PLOD1: variants seen among roughly 807,000 people sequenced by gnomAD.
PLOD1 encodes lysine hydroxylase.
Under a neutral mutation model 94.7 loss-of-function variants are expected in PLOD1, and 70 were observed. That is an observed-to-expected ratio of 0.74 (90% CI 0.61 to 0.90). The LOEUF (loss-of-function observed/expected upper bound fraction) is 0.90. PLOD1 is among the 40% of genes least tolerant of loss of function. The pLI is 0.00. For synonymous variants in PLOD1, 417 were observed against 400.2 expected, an observed-to-expected ratio of 1.04 and a Z score of -0.50; for missense variants, 905 against 972.7, an observed-to-expected ratio of 0.93 and a Z score of 0.93.
intron 1 of PLOD1, chr1:11,944,445 ACACACACACT>A (rs1201068159): frequency 1.2e-5 from 11 of 939,096 alleles, no homozygotes; most frequent in African/African-American, 1.0e-4. Context: ...ACACACACAC[ACACACACACT>A]CACTCACATG....
chr1:11,948,574 A>T (rs1016616899), intron 2 of PLOD1, among the ~76,000 whole-genome samples: 7 of 152,032 alleles, frequency 4.6e-5, no homozygotes, highest in Non-Finnish European at 1.5e-5. Context: ...CTAAAAATAT[A>T]AAAAAATTAG....
chr1:11,964,622 C>T (rs747112397), intron 12 of PLOD1, 22 bp from the exon 13 acceptor site: 6 of 1,612,758 alleles, frequency 3.7e-6, no homozygotes, highest in Non-Finnish European at 5.1e-6. Flanking sequence ...TGACCCCCAC[C>T]CGCTTTCTGT....
intron 10 of PLOD1, among the ~76,000 whole-genome samples, chr1:11,962,193 G>A (rs1645782496): frequency 1.3e-5 from 2 of 151,722 alleles, no homozygotes; most frequent in Non-Finnish European, 2.9e-5. Flanking sequence ...GCCTCCCAGA[G>A]TGCTGGGATT....
chr1:11,938,896 C>T (rs930004347), intron 1 of PLOD1, among the ~76,000 whole-genome samples: 1 of 152,102 alleles, frequency 6.6e-6, no homozygotes, highest in African/African-American at 2.4e-5. Context: ...CCTGGGGGGG[C>T]TTCCAGAACA....
chr1:11,941,270 A>T (rs1569667762), intron 1 of PLOD1, among the ~76,000 whole-genome samples: 2 of 149,614 alleles, frequency 1.3e-5, no homozygotes, highest in African/African-American at 4.9e-5. Flanking sequence ...TGAGAGGGAG[A>T]CTTGCTCTGT....
intron 16 of PLOD1, among the ~76,000 whole-genome samples, chr1:11,969,020 ATTT>A (rs936449431): frequency 3.4e-5 from 4 of 118,824 alleles, no homozygotes; most frequent in Non-Finnish European, 7.0e-5. Flanking sequence ...ACCATGCCTA[ATTT>A]TTTTTTTTTT....
chr1:11,974,908 C>T lies in PLOD1; in HGVS notation c.*100C>T. The T allele has an allele frequency of 8.6e-7, 1 of 1,159,454 alleles. No homozygotes were observed. The highest frequency in any genetic ancestry group is 2.0e-4 in the Middle Eastern group (1 of 5,062). The allele number at this position is 1,159,454 out of a possible 1,614,324, so 71.8% of individuals were successfully genotyped here. The stretch of plus-strand genomic sequence containing the variant: ...GTCCCAGGGAACCCAGTCCAGCCTC[C>T]TGGCTGTTGACTTCCCATTGCTCTT... On this transcript the variant is annotated 3_prime_UTR_variant, in exon 19 of 19. Transcript: ENST00000196061.
At chr1:11,955,623 T>A (rs1645732832) in intron 6 of PLOD1, among the ~76,000 whole-genome samples, 2 of 151,114 alleles carry the variant, frequency 1.3e-5, no homozygotes, top group Non-Finnish European at 1.5e-5. Flanking sequence ...TCTGTTTTCC[T>A]TTTTTTTTCT....
At position 11,952,622 on chromosome 1, in the gene PLOD1, G is replaced by C. The variant is rs1281393049; in HGVS notation, c.467-1G>C. 1 of 1,612,826 alleles carries C rather than the reference G, an allele frequency of 6.2e-7. No homozygotes were observed. Among genetic ancestry groups the C allele is most frequent in the Admixed American group, 1.7e-5 (1 of 60,014 alleles). ...TGGTGTCCCCACCCACCAACCTTCA[G>C]GCTTCATCGGTTATGCCCCCAACCT... On this transcript the variant is annotated splice_acceptor_variant, in intron 4 of 18. Transcript: ENST00000196061. LOFTEE classifies it high-confidence loss of function.
Position 11,954,901 on chromosome 1 carries a change from G to T in PLOD1, c.643+8G>T, listed in dbSNP as rs768848010. 5 of 1,606,634 alleles carry T rather than the reference G, an allele frequency of 3.1e-6. No homozygotes were observed. In the Admixed American group the frequency reaches 5.0e-5, roughly 16 times the overall value. On this transcript the variant is annotated splice_region_variant and intron_variant, in intron 6 of 18. Coordinates refer to ENST00000196061, the MANE Select transcript of PLOD1 (RefSeq NM_000302.4). Reference sequence around the variant, plus strand: ...ACCTGGATGGAGCCTTGGGTGAGCAGCCCCCACGGGGAGGGGTGGATCCTC... The same window carrying T: ...ACCTGGATGGAGCCTTGGGTGAGCATCCCCCACGGGGAGGGGTGGATCCTC...
At position 11,975,126 on chromosome 1, in the gene PLOD1, A is replaced by C; in HGVS notation, c.*318A>C. ...AAGGCCCCCTTCCCCCACCTCTTCC[A>C]TGGGGTGAGACTTGAGCAGAACAGG... On this transcript the variant is annotated 3_prime_UTR_variant, in exon 19 of 19. Coordinates refer to ENST00000196061, the MANE Select transcript of PLOD1 (RefSeq NM_000302.4). 2.6e-5 allele frequency: 11 copies of C among 421,062 alleles called. No individual in the cohort carries two copies. Among genetic ancestry groups the C allele is most frequent in the East Asian group, 1.1e-4 (2 of 18,954 alleles). 26.1% of individuals were successfully genotyped at this position (421,062 alleles called of 1,614,324 possible). A position where few individuals can be genotyped will look rare whatever the true frequency, so the allele number is the denominator to read the frequency against.
At chr1:11,968,556 C>T (rs1209976043) in intron 16 of PLOD1, among the ~76,000 whole-genome samples, 2 of 150,694 alleles carry the variant, frequency 1.3e-5, no homozygotes, top group Non-Finnish European at 3.0e-5. Flanking sequence ...CTGTGTCGCC[C>T]AGGCTGGAGT....
chr1:11,962,811 C>T (rs1198457445), intron 10 of PLOD1, among the ~76,000 whole-genome samples: 6 of 151,916 alleles, frequency 3.9e-5, no homozygotes, highest in African/African-American at 7.3e-5. Flanking sequence ...GAGGCCGAGG[C>T]GGGCAGATCA....
intron 10 of PLOD1, among the ~76,000 whole-genome samples, chr1:11,962,523 A>C (rs1021095631): frequency 6.9e-6 from 1 of 145,928 alleles, no homozygotes; most frequent in Non-Finnish European, 1.5e-5. Flanking sequence ...TGATCCATCC[A>C]CCTCAGCCTC....
chr1:11,935,902 CG>C (rs1645574987), intron 1 of PLOD1, among the ~76,000 whole-genome samples: 1 of 151,962 alleles, frequency 6.6e-6, no homozygotes, highest in Non-Finnish European at 1.5e-5. Context: ...GGATTACAGG[CG>C]TGAGCCATCG....
Position 11,958,504 on chromosome 1 carries a change from T to C in PLOD1, c.844-12T>C, listed in dbSNP as rs1229280856. Reference sequence around the variant, plus strand: ...ACACTGCTGGACTCTTGTGCCGCCCTCCCTGGTGCAGGATGAAGCTCTGCC... The same window carrying C: ...ACACTGCTGGACTCTTGTGCCGCCCCCCCTGGTGCAGGATGAAGCTCTGCC... On this transcript the variant is annotated splice_polypyrimidine_tract_variant and intron_variant, in intron 8 of 18. Coordinates refer to ENST00000196061, the MANE Select transcript of PLOD1 (RefSeq NM_000302.4). The surrounding 1 kb of genome is among the most constrained non-coding windows in gnomAD (Gnocchi z 4.3). 3 of 1,613,402 alleles carry C rather than the reference T, an allele frequency of 1.9e-6. No individual in the cohort carries two copies. The highest frequency in any genetic ancestry group is 2.5e-6 in the Non-Finnish European group (3 of 1,179,818).
intron 12 of PLOD1, 105 bp from the exon 13 acceptor site, chr1:11,964,539 C>G: frequency 8.4e-7 from 1 of 1,195,562 alleles, no homozygotes; most frequent in South Asian, 1.2e-5. Flanking sequence ...CTTCCCTTCT[C>G]ACACCCAGAC....
At chr1:11,968,891 GGGTGCAGT>G (rs1001535954) in intron 16 of PLOD1, among the ~76,000 whole-genome samples, 55 of 150,620 alleles carry the variant, frequency 3.7e-4, no homozygotes, top group African/African-American at 6.4e-4. Flanking sequence ...GCCCAGGCTG[GGGTGCAGT>G]GGTGCAGTGG....
In PLOD1 at chr1:11,970,590, C is replaced by T. The variant is rs1015842508; in HGVS notation, c.1756-80C>T. ...ATGTAATGTGGTCCGGTCACATTCCCGGGTGTAGGAGAGGGGAGTAGACAG... is the reference window on the plus strand; with the variant it reads ...ATGTAATGTGGTCCGGTCACATTCCTGGGTGTAGGAGAGGGGAGTAGACAG... On this transcript the variant is annotated intron_variant, in intron 16 of 18. Transcript: ENST00000196061. 4.3e-5 allele frequency: 58 copies of T among 1,343,286 alleles called. No individual in the cohort carries two copies. In the South Asian group the frequency reaches 4.9e-4, roughly 11 times the overall value. The allele number at this position is 1,343,286 out of a possible 1,614,324, so 83.2% of individuals were successfully genotyped here.
Sources: allele counts gnomAD v4.1 joint callset (sites outside exome capture counted in the v4.1 genomes callset), GRCh38; gene constraint gnomAD v4.1.1; non-coding constraint Gnocchi (gnomAD v3.1); transcripts MANE v1.5; gene names NCBI Gene and HGNC (gene_info 2026-07-23, HGNC 2026-07-21).